Variants in TMEM65 observed in about 807,000 individuals in gnomAD.
The protein encoded by TMEM65 is transmembrane protein 65.
A neutral mutation model predicts 25.4 loss-of-function variants in TMEM65; 22 were observed. The observed-to-expected ratio is 0.86, with a 90% CI of 0.62 to 1.23. The LOEUF is 1.23. TMEM65 is among the 50% of genes most tolerant of loss of function. The pLI is 0.00. For synonymous variants in TMEM65, 132 were observed against 126.2 expected (o/e 1.05, Z -0.31); for missense variants, 262 against 308.2 (o/e 0.85, Z 1.12).
intron 3 of TMEM65, among the ~76,000 whole-genome samples, chr8:124,324,861 G>A (rs973496428): frequency 2.0e-4 from 31 of 151,712 alleles, no homozygotes; most frequent in Admixed American, 9.2e-4. Context: ...TAAATAAACC[G>A]AATACTAATA....
chr8:124,334,248 T>C (rs929609550), intron 1 of TMEM65, among the ~76,000 whole-genome samples: 4 of 152,088 alleles, frequency 2.6e-5, no homozygotes, highest in Non-Finnish European at 5.9e-5. Flanking sequence ...AAGAAAAATG[T>C]GACCCATTTT....
At chr8:124,350,429 C>T (rs1401981070) in intron 1 of TMEM65, among the ~76,000 whole-genome samples, 2 of 151,062 alleles carry the variant, frequency 1.3e-5, no homozygotes, top group African/African-American at 4.9e-5. Flanking sequence ...ACCACTCCCT[C>T]TTTCATAACA....
At chr8:124,333,187 T>A (rs1309279058) in intron 1 of TMEM65, among the ~76,000 whole-genome samples, 5 of 150,514 alleles carry the variant, frequency 3.3e-5, no homozygotes, top group Non-Finnish European at 4.4e-5. Context: ...AAAAAAAAAA[T>A]TACCTATAAA....
intron 6 of TMEM65, among the ~76,000 whole-genome samples, chr8:124,318,379 T>TG (rs1186747778): frequency 2.4e-5 from 3 of 125,286 alleles, no homozygotes; most frequent in Non-Finnish European, 5.0e-5. Flanking sequence ...GTTTTTTTTT[T>TG]TTTTTTTTTT....
Position 124,322,193 on chromosome 8 carries a change from T to C in TMEM65, c.473-46A>G, listed in dbSNP as rs371759401. 1.4e-5 allele frequency: 20 copies of C among 1,398,428 alleles called. No individual in the cohort carries two copies. In the African/African-American group the frequency reaches 2.6e-4, roughly 18 times the overall value. The allele number at this position is 1,398,428 out of a possible 1,614,324, so 86.6% of individuals were successfully genotyped here. A position where few individuals can be genotyped will look rare whatever the true frequency, so the allele number is the denominator to read the frequency against. ...TAATTGTTACATAAAAGAATAATAA[T>C]TATATCACTATGTAATCAATAAAGC... On this transcript the variant is annotated intron_variant, in intron 4 of 6. Transcript: ENST00000297632.
chr8:124,366,880 A>C (rs1814946168), intron 1 of TMEM65, among the ~76,000 whole-genome samples: 1 of 152,124 alleles, frequency 6.6e-6, no homozygotes, highest in Non-Finnish European at 1.5e-5. Flanking sequence ...AAAATAACTG[A>C]TTGTAGCAAA....
rs559324354 is a variant in TMEM65, at chr8:124,323,398, T to A, written c.418-23A>T. 3.7e-6 allele frequency: 5 copies of A among 1,351,856 alleles called. No homozygotes were observed. In the East Asian group the frequency reaches 9.6e-5, roughly 26 times the overall value. The allele number at this position is 1,351,856 out of a possible 1,614,324, so 83.7% of individuals were successfully genotyped here. The stretch of plus-strand genomic sequence containing the variant: ...TCCCTGAAATATGATAAAAAATTAA[T>A]CTTAAAAATTAAAGCTGAAGTGACT... On this transcript the variant is annotated intron_variant, in intron 3 of 6. Coordinates refer to ENST00000297632, the MANE Select transcript of TMEM65 (RefSeq NM_194291.3).
intron 1 of TMEM65, among the ~76,000 whole-genome samples, chr8:124,368,470 G>A (rs886275176): frequency 2.6e-5 from 4 of 152,152 alleles, no homozygotes; most frequent in Admixed American, 2.0e-4. Flanking sequence ...CTCCCACAAT[G>A]TGTCAGGACA....
intron 1 of TMEM65, among the ~76,000 whole-genome samples, chr8:124,350,119 AGT>A (rs71866914): frequency 0.026 from 3,793 of 148,174 alleles, 80 homozygotes; most frequent in African/African-American, 0.052. Flanking sequence ...CTAATACATC[AGT>A]GTGTGTGTGT....
intron 1 of TMEM65, among the ~76,000 whole-genome samples, chr8:124,349,134 T>C (rs1243476988): frequency 1.3e-5 from 2 of 152,174 alleles, no homozygotes; most frequent in Non-Finnish European, 2.9e-5. Flanking sequence ...CCCATTCTAC[T>C]TCTCATTCAG....
intron 1 of TMEM65, among the ~76,000 whole-genome samples, chr8:124,370,477 A>T (rs992823784): frequency 6.6e-6 from 1 of 152,244 alleles, no homozygotes; most frequent in Non-Finnish European, 1.5e-5. Context: ...CATAGATTAC[A>T]AATGTGCTAG....
intron 1 of TMEM65, among the ~76,000 whole-genome samples, chr8:124,356,644 C>A (rs1216135904): frequency 3.3e-5 from 5 of 152,114 alleles, no homozygotes; most frequent in Admixed American, 6.6e-5. Flanking sequence ...CTAATGGACC[C>A]CACACACACC....
intron 1 of TMEM65, among the ~76,000 whole-genome samples, chr8:124,363,370 T>C (rs1586475060): frequency 6.6e-6 from 1 of 152,324 alleles, no homozygotes; most frequent in Non-Finnish European, 1.5e-5. Flanking sequence ...GTCCTAATTA[T>C]GGTGATTATT....
intron 3 of TMEM65, among the ~76,000 whole-genome samples, chr8:124,324,128 AG>A (rs1173641575): frequency 6.6e-6 from 1 of 152,114 alleles, no homozygotes; most frequent in Non-Finnish European, 1.5e-5. Context: ...CTAATCCCTG[AG>A]CAATGCTGCC....
chr8:124,314,334 C>T (rs1222162817), intron 6 of TMEM65, among the ~76,000 whole-genome samples: 1 of 152,212 alleles, frequency 6.6e-6, no homozygotes, highest in Non-Finnish European at 1.5e-5. Context: ...TTAAAGACTT[C>T]TAAGTTCAAC....
intron 3 of TMEM65, among the ~76,000 whole-genome samples, chr8:124,326,116 T>C (rs1352769651): frequency 2.0e-5 from 3 of 152,078 alleles, no homozygotes; most frequent in Admixed American, 2.0e-4. Flanking sequence ...CAACAAACTC[T>C]CTAAGTCCTA....
Position 124,311,577 on chromosome 8 carries a change from GCTC to G in TMEM65, c.*2380_*2382del, listed in dbSNP as rs1344707674. On this transcript the variant is annotated 3_prime_UTR_variant, in exon 7 of 7. Coordinates refer to ENST00000297632, the MANE Select transcript of TMEM65 (RefSeq NM_194291.3). ...TGTTGCATTTAACTATGGTTCTTGT[GCTC>G]CTAATAGAGAAGTAGCTAATATGAG... is the stretch of plus-strand genomic sequence containing the variant. The G allele has an allele frequency of 6.6e-6, 1 of 152,386 alleles. No homozygotes were observed. Among genetic ancestry groups the G allele is most frequent in the Non-Finnish European group, 1.5e-5 (1 of 67,978 alleles). The allele number at this position is 152,386 out of a possible 1,614,324, so 9.4% of individuals were successfully genotyped here.
At chr8:124,338,205 TAATTTTA>T (rs1441768975) in intron 1 of TMEM65, among the ~76,000 whole-genome samples, 3 of 152,074 alleles carry the variant, frequency 2.0e-5, no homozygotes, top group African/African-American at 7.2e-5. Flanking sequence ...TTTAAGAAAA[TAATTTTA>T]TTTGTGAAAG....
intron 2 of TMEM65, among the ~76,000 whole-genome samples, chr8:124,330,188 C>G (rs1346537420): frequency 6.6e-6 from 1 of 151,854 alleles, no homozygotes; most frequent in African/African-American, 2.4e-5. Context: ...TTCACTTCTT[C>G]CATCTTTATA....
Sources: allele counts gnomAD v4.1 joint callset (sites outside exome capture counted in the v4.1 genomes callset), GRCh38; gene constraint gnomAD v4.1.1; transcripts MANE v1.5; gene names NCBI Gene and HGNC (gene_info 2026-07-23, HGNC 2026-07-21).